The following PPARGC1B variants were observed in gnomAD, a reference collection of about 807,000 sequenced individuals.
The protein encoded by PPARGC1B is peroxisome proliferator-activated receptor gamma coactivator 1-beta.
A neutral mutation model predicts 101.6 loss-of-function variants in PPARGC1B; 34 were observed. The observed-to-expected ratio is 0.33, with a 90% confidence interval of 0.25 to 0.45. The LOEUF is 0.45. Ranked by LOEUF, PPARGC1B falls within the 20% of genes least tolerant of loss-of-function variation. The pLI is 1.00. For synonymous variants in PPARGC1B, 548 were observed against 539.3 expected, an observed-to-expected ratio of 1.02 and a Z score of -0.22; for missense variants, 1,234 against 1,317.6, an observed-to-expected ratio of 0.94 and a Z score of 0.98.
intron 1 of PPARGC1B, among the ~76,000 whole-genome samples, chr5:149,798,355 CT>C (rs1757307774): frequency 6.6e-6 from 1 of 152,170 alleles, no homozygotes; most frequent in African/African-American, 2.4e-5. Context: ...TTGTTTAGTT[CT>C]GTTTTTATAA....
intron 1 of PPARGC1B, among the ~76,000 whole-genome samples, chr5:149,787,435 A>G (rs140446256): frequency 1.4e-3 from 218 of 152,346 alleles, no homozygotes; most frequent in African/African-American, 5.1e-3. Context: ...CCACTTTTAT[A>G]TTAAACACCA....
chr5:149,842,210 A>G (rs1226264532), intron 9 of PPARGC1B, 46 bp from the exon 10 acceptor site: 1 of 1,600,210 alleles, frequency 6.2e-7, no homozygotes, highest in Non-Finnish European at 8.5e-7. Flanking sequence ...GGGCCCCAGG[A>G]AGCCAGGCAA....
Position 149,807,463 on chromosome 5 carries a change from G to A in PPARGC1B, c.79-12970G>A, listed in dbSNP as rs535826704. Among the ~76,000 whole-genome samples, 75 of 152,268 alleles carry A rather than the reference G, an allele frequency of 4.9e-4. No individual in the cohort carries two copies. In the South Asian group the frequency reaches 0.014, roughly 28 times the overall value. On this transcript the variant is annotated intron_variant, in intron 1 of 11. Transcript: ENST00000309241. ...AACAGTCACCCTTTGCTTTCCTTCC[G>A]ACTCAGGACCAAGGTCAGAATTCCA... is the stretch of plus-strand genomic sequence containing the variant.
chr5:149,731,770 C>A (rs559632973), intron 1 of PPARGC1B, among the ~76,000 whole-genome samples: 11 of 152,298 alleles, frequency 7.2e-5, no homozygotes, highest in Non-Finnish European at 1.2e-4. Flanking sequence ...TTGGAAGGGA[C>A]GCCGCAGCCG....
At position 149,810,791 on chromosome 5, in the gene PPARGC1B, G is replaced by A. The variant is rs761838128; in HGVS notation, c.79-9642G>A. ...GGGAGGAGCTGGCTGTGTGGATCTC[G>A]GGTGACTCCCTCTTCCCGCTTTCTC... On this transcript the variant is annotated intron_variant, in intron 1 of 11. Coordinates refer to ENST00000309241, the MANE Select transcript of PPARGC1B (RefSeq NM_133263.4). Among the ~76,000 whole-genome samples the A allele has an allele frequency of 2.7e-4, 38 of 140,498 alleles. No homozygotes were observed. The Middle Eastern group carries it at 0.012, about 43-fold the overall frequency. 92.2% of individuals were successfully genotyped at this position (140,498 alleles called of 152,430 possible). A position where few individuals can be genotyped will look rare whatever the true frequency, so the allele number is the denominator to read the frequency against.
rs111755515 is a variant in PPARGC1B, at chr5:149,842,205, C to T, written c.2695-51C>T. On this transcript the variant is annotated intron_variant, in intron 9 of 11. Coordinates refer to ENST00000309241, the MANE Select transcript of PPARGC1B (RefSeq NM_133263.4). ...ACGGGAGCCCACTCCCAGAGGGGCC[C>T]CAGGAAGCCAGGCAATGACGGAGTC... 4,809 of 1,598,774 alleles carry T rather than the reference C, an allele frequency of 3.0e-3. 84 individuals carry two copies. The African/African-American group carries it at 0.047, about 16-fold the overall frequency.
chr5:149,831,196 G>A (rs1017526559), intron 4 of PPARGC1B, among the ~76,000 whole-genome samples: 1 of 152,208 alleles, frequency 6.6e-6, no homozygotes, highest in African/African-American at 2.4e-5. Context: ...AGACCAAAAT[G>A]CAAGATTGCG....
rs147798578 is a variant in PPARGC1B at position 149,833,290 on chromosome 5, G to C, written c.1217G>C (p.Arg406Thr). 1.9e-6 allele frequency: 3 copies of C among 1,613,450 alleles called. No homozygotes were observed. In the Admixed American group the frequency reaches 5.0e-5, roughly 27 times the overall value. The change falls in exon 5 of 12, where the codon AGA (arginine) becomes ACA (threonine). Residue 406 changes from arginine (R) to threonine (T), a missense_variant. By Grantham distance (71) the Arg-to-Thr change is moderately conservative. Coordinates refer to ENST00000309241, the MANE Select transcript of PPARGC1B (RefSeq NM_133263.4). This position sits in a 1 kb window ranked among gnomAD's most constrained non-coding sequence, Gnocchi z 4.1. ...GCTTCACCCAAGAGCACCGGGCCCAGACCAAGCCTGCGCCCACTGCGGCTG... is the reference window on the plus strand; with the variant it reads ...GCTTCACCCAAGAGCACCGGGCCCACACCAAGCCTGCGCCCACTGCGGCTG... Reference protein sequence around the residue: ...IAASPKSTGPRPSLRPLRLEV... With the variant: ...IAASPKSTGPTPSLRPLRLEV...
At chr5:149,766,444 A>G (rs1015668545) in intron 1 of PPARGC1B, among the ~76,000 whole-genome samples, 2 of 152,204 alleles carry the variant, frequency 1.3e-5, no homozygotes, top group Non-Finnish European at 2.9e-5. Context: ...AGCAAGATCA[A>G]TATTATTAGT....
In PPARGC1B at chr5:149,848,264, G is replaced by A. The variant is rs1759649297; in HGVS notation, c.*706G>A. 6.6e-6 allele frequency: 1 copy of A among 152,346 alleles called. No individual in the cohort carries two copies. Among genetic ancestry groups the A allele is most frequent in the Admixed American group, 6.5e-5 (1 of 15,292 alleles). The allele number at this position is 152,346 out of a possible 1,614,324, so 9.4% of individuals were successfully genotyped here. A position where few individuals can be genotyped will look rare whatever the true frequency, so the allele number is the denominator to read the frequency against. On this transcript the variant is annotated 3_prime_UTR_variant, in exon 12 of 12. Coordinates refer to ENST00000309241, the MANE Select transcript of PPARGC1B (RefSeq NM_133263.4). Reference sequence around the variant, plus strand: ...CTCAAATTATAGGAGCCCCCATCTTGTGCCCAGCTCATGCTCCAAGTGTGT... The same window carrying A: ...CTCAAATTATAGGAGCCCCCATCTTATGCCCAGCTCATGCTCCAAGTGTGT...
At chr5:149,809,801 G>A (rs1435485660) in intron 1 of PPARGC1B, among the ~76,000 whole-genome samples, 1 of 151,812 alleles carries the variant, frequency 6.6e-6, no homozygotes, top group Admixed American at 6.6e-5. Flanking sequence ...AATGATAAGT[G>A]CTAATCGAGG....
chr5:149,825,720 G>T (rs565137016), intron 2 of PPARGC1B, among the ~76,000 whole-genome samples: 1 of 152,108 alleles, frequency 6.6e-6, no homozygotes, highest in African/African-American at 2.4e-5. Context: ...CATTCTCCAC[G>T]TGCTGTTTAT....
In PPARGC1B at chr5:149,752,594, C is replaced by T. The variant is rs189140668; in HGVS notation, c.78+22174C>T. ...CTGTAATCCCAGCACTTTGGGAGGC[C>T]GAGGTGGGTGGATCACCTGAAGTCA... On this transcript the variant is annotated intron_variant, in intron 1 of 11. Transcript: ENST00000309241. Among the ~76,000 whole-genome samples, 31 of 152,206 alleles carry T rather than the reference C, an allele frequency of 2.0e-4. No individual in the cohort carries two copies. The East Asian group carries it at 4.2e-3, about 21-fold the overall frequency.
At chr5:149,845,626 C>T in intron 10 of PPARGC1B, 134 bp from the exon 11 acceptor site, 1 of 874,100 alleles carries the variant, frequency 1.1e-6, no homozygotes. Context: ...TGGTCATCAT[C>T]ATCTCTATCT....
rs748703515 is a variant in PPARGC1B, at chr5:149,836,893, GGGAGGA to G, written c.2451_2456del (p.Glu817_Glu818del). ...CTCCCAGAGGAGGAAGAGGAAGAAG[GGGAGGA>G]GGAGGAGGAGGACGATGAAGAAGAG... On this transcript the variant is annotated inframe_deletion, in exon 8 of 12. Coordinates refer to ENST00000309241, the MANE Select transcript of PPARGC1B (RefSeq NM_133263.4). 7 of 1,612,668 alleles carry G rather than the reference GGGAGGA, an allele frequency of 4.3e-6. No individual in the cohort carries two copies. The highest frequency in any genetic ancestry group is 2.2e-5 in the South Asian group (2 of 91,072).
intron 1 of PPARGC1B, among the ~76,000 whole-genome samples, chr5:149,800,634 C>G (rs1214387655): frequency 6.6e-6 from 1 of 152,200 alleles, no homozygotes; most frequent in East Asian, 1.9e-4. Context: ...ACAGAGGCAC[C>G]TGGTAAACAG....
chr5:149,796,648 C>CAG (rs139063590), intron 1 of PPARGC1B, among the ~76,000 whole-genome samples: 7 of 151,704 alleles, frequency 4.6e-5, no homozygotes, highest in South Asian at 2.1e-4. Context: ...ATGGTGGCAG[C>CAG]AGAGAGAGAG....
At position 149,772,185 on chromosome 5, in the gene PPARGC1B, G is replaced by C. The variant is rs549707606; in HGVS notation, c.78+41765G>C. 1.8e-4 allele frequency: 282 copies of C among 1,606,426 alleles called. 2 individuals are homozygous for C. The South Asian group carries it at 3.0e-3, about 17-fold the overall frequency. On this transcript the variant is annotated intron_variant, in intron 1 of 11. Transcript: ENST00000309241. The stretch of plus-strand genomic sequence containing the variant: ...TGTTTAGGTGGCGTTGGTGGTGAAG[G>C]CTTTTTCTGTGAGCTTGTTGGGTTG...
chr5:149,830,761 C>G lies in PPARGC1B; in HGVS notation c.466-6C>G. Reference sequence around the variant, plus strand: ...CCGGCTCCTGTCCTCTCTGCTTTTCCCTCAGCTGCAGAAGCTCCTCCTGGC... The same window carrying G: ...CCGGCTCCTGTCCTCTCTGCTTTTCGCTCAGCTGCAGAAGCTCCTCCTGGC... On this transcript the variant is annotated splice_polypyrimidine_tract_variant and splice_region_variant and intron_variant, in intron 3 of 11. Coordinates refer to ENST00000309241, the MANE Select transcript of PPARGC1B (RefSeq NM_133263.4). The G allele has an allele frequency of 6.2e-7, 1 of 1,610,164 alleles. No individual in the cohort carries two copies. The highest frequency in any genetic ancestry group is 8.5e-7 in the Non-Finnish European group (1 of 1,176,386).
Sources: allele counts gnomAD v4.1 joint callset (sites outside exome capture counted in the v4.1 genomes callset), GRCh38; gene constraint gnomAD v4.1.1; non-coding constraint Gnocchi (gnomAD v3.1); transcripts MANE v1.5; gene names NCBI Gene and HGNC (gene_info 2026-07-23, HGNC 2026-07-21).